Variants in DISC1 observed in about 807,000 individuals in gnomAD.
The protein encoded by DISC1 is DISC1 scaffold protein.
A neutral mutation model predicts 84.5 loss-of-function variants in DISC1; 57 were observed. The observed-to-expected ratio is 0.67, with a 90% confidence interval of 0.55 to 0.84. The LOEUF is 0.84. Among genes scored for constraint, DISC1 ranks in the 40% least tolerant of loss-of-function variants. The probability of loss-of-function intolerance (pLI) is 0.00; values close to 1 mark genes in which losing one functional copy is unlikely to be tolerated. For missense variants in DISC1, 1,000 were observed against 1,057.8 expected, an observed-to-expected ratio of 0.95 and a Z score of 0.76; for synonymous variants, 411 against 415.2, an observed-to-expected ratio of 0.99 and a Z score of 0.12.
At chr1:231,704,716 C>CAT (rs2066826844) in intron 3 of DISC1, among the ~76,000 whole-genome samples, 2 of 144,142 alleles carry the variant, frequency 1.4e-5, no homozygotes, top group African/African-American at 2.7e-5. Context: ...GCCGAGATGG[C>CAT]GCCACTGCAC....
chr1:231,774,355 A>G (rs2076793686), intron 6 of DISC1, among the ~76,000 whole-genome samples: 1 of 152,214 alleles, frequency 6.6e-6, no homozygotes, highest in Admixed American at 6.5e-5. Flanking sequence ...TCTAATGACT[A>G]GTTAATAACA....
chr1:231,748,142 C>A (rs2074216999), intron 3 of DISC1, among the ~76,000 whole-genome samples: 1 of 152,092 alleles, frequency 6.6e-6, no homozygotes, highest in Admixed American at 6.6e-5. Context: ...TTGCTAGAGT[C>A]TTTAGGTTTT....
intron 10 of DISC1, among the ~76,000 whole-genome samples, chr1:231,966,425 T>C (rs1661133546): frequency 6.6e-6 from 1 of 152,234 alleles, no homozygotes; most frequent in Non-Finnish European, 1.5e-5. Flanking sequence ...CTGTTATCTT[T>C]TTTAAAGGGT....
chr1:231,633,060 G>C (rs1271495225), intron 1 of DISC1, among the ~76,000 whole-genome samples: 1 of 152,128 alleles, frequency 6.6e-6, no homozygotes, highest in Admixed American at 6.5e-5. Context: ...TACAGAGAGA[G>C]ACTCCGTCAA....
chr1:231,767,415 G>C, intron 5 of DISC1, 146 bp downstream of exon 5: 1 of 1,256,434 alleles, frequency 8.0e-7, no homozygotes, highest in Non-Finnish European at 1.1e-6. Flanking sequence ...TCCCACCTCA[G>C]CCTCCCAAGT....
chr1:232,036,878 G>C lies in DISC1; in HGVS notation c.*47G>C, dbSNP rs912644688. The C allele has an allele frequency of 1.4e-6, 2 of 1,450,126 alleles. No individual in the cohort carries two copies. The highest frequency in any genetic ancestry group is 2.5e-5 in the East Asian group (1 of 39,442). 89.8% of individuals were successfully genotyped at this position (1,450,126 alleles called of 1,614,324 possible). Reference sequence around the variant, plus strand: ...GAGGTGGGCCACCATGTTTGGACCCGGGGGGCTGCTCTTCCCTCCCCCGCC... The same window carrying C: ...GAGGTGGGCCACCATGTTTGGACCCCGGGGGCTGCTCTTCCCTCCCCCGCC... On this transcript the variant is annotated 3_prime_UTR_variant, in exon 13 of 13. Transcript: ENST00000439617.
intron 9 of DISC1, among the ~76,000 whole-genome samples, chr1:231,912,780 TC>T: frequency 6.8e-6 from 1 of 146,886 alleles, no homozygotes; most frequent in South Asian, 2.1e-4. Flanking sequence ...TTTCTTTCTT[TC>T]TTTCTTTCTT....
At chr1:231,712,802 G>T (rs1179299059) in intron 3 of DISC1, among the ~76,000 whole-genome samples, 7 of 152,208 alleles carry the variant, frequency 4.6e-5, no homozygotes, top group African/African-American at 1.7e-4. Context: ...AATGCTCAAA[G>T]TGAGCTAACA....
At chr1:231,889,811 C>T (rs998710436) in intron 9 of DISC1, among the ~76,000 whole-genome samples, 1 of 152,084 alleles carries the variant, frequency 6.6e-6, no homozygotes, top group Admixed American at 6.6e-5. Context: ...CATGTAGGGG[C>T]TGTCATAGAC....
chr1:231,797,290 A>G (rs2078836072), intron 7 of DISC1, among the ~76,000 whole-genome samples: 1 of 152,160 alleles, frequency 6.6e-6, no homozygotes, highest in Non-Finnish European at 1.5e-5. Flanking sequence ...ATTTCCAACT[A>G]CTATTAAAGA....
chr1:231,748,778 A>G (rs964234111), intron 3 of DISC1, among the ~76,000 whole-genome samples: 3 of 152,104 alleles, frequency 2.0e-5, no homozygotes, highest in Non-Finnish European at 4.4e-5. Flanking sequence ...TTGCCTTTTA[A>G]TTTTTTGGAA....
At chr1:231,903,544 G>T (rs1194998940) in intron 9 of DISC1, among the ~76,000 whole-genome samples, 1 of 152,198 alleles carries the variant, frequency 6.6e-6, no homozygotes, top group Admixed American at 6.5e-5. Context: ...TGCCTGTGTG[G>T]GGAGGCTCTA....
intron 10 of DISC1, among the ~76,000 whole-genome samples, chr1:231,971,846 A>AT (rs1662002198): frequency 6.6e-6 from 1 of 152,220 alleles, no homozygotes; most frequent in Non-Finnish European, 1.5e-5. Context: ...AAAAGCAGGG[A>AT]CTTTCAGTTG....
At chr1:231,964,283 C>T (rs1290562887) in intron 10 of DISC1, among the ~76,000 whole-genome samples, 1 of 152,182 alleles carries the variant, frequency 6.6e-6, no homozygotes, top group East Asian at 1.9e-4. Context: ...ATCCTAGGCT[C>T]ATCTTTTGTC....
intron 6 of DISC1, among the ~76,000 whole-genome samples, chr1:231,794,469 A>G (rs1470881277): frequency 6.6e-6 from 1 of 152,174 alleles, no homozygotes; most frequent in Non-Finnish European, 1.5e-5. Context: ...ATTATAGCGA[A>G]TTGCATGCCT....
chr1:231,648,105 G>C (rs973507394), intron 1 of DISC1, among the ~76,000 whole-genome samples: 1 of 152,222 alleles, frequency 6.6e-6, no homozygotes, highest in Non-Finnish European at 1.5e-5. Context: ...TGTTGAATAG[G>C]AGTGCTGAGA....
intron 11 of DISC1, among the ~76,000 whole-genome samples, chr1:232,013,483 G>A (rs1384144792): frequency 6.6e-6 from 1 of 151,436 alleles, no homozygotes; most frequent in Non-Finnish European, 1.5e-5. Context: ...CCATCATTAA[G>A]GGCTAACACT....
chr1:231,983,979 A>C (rs1664037783), intron 10 of DISC1, among the ~76,000 whole-genome samples: 1 of 152,190 alleles, frequency 6.6e-6, no homozygotes, highest in Admixed American at 6.5e-5. Flanking sequence ...ACAGACAAGA[A>C]AACTGAGGCT....
chr1:231,678,462 G>T (rs2063367819), intron 1 of DISC1, among the ~76,000 whole-genome samples: 1 of 152,242 alleles, frequency 6.6e-6, no homozygotes, highest in Admixed American at 6.5e-5. Context: ...AAGGGCCTCA[G>T]AGCACAGGCT....
Sources: gnomAD v4.1 joint callset for allele counts (sites outside exome capture counted in the v4.1 genomes callset) on GRCh38, gnomAD v4.1.1 for gene constraint, MANE v1.5 for transcripts, NCBI Gene and HGNC (gene_info 2026-07-23, HGNC 2026-07-21) for gene names.